Variants in NRXN1 observed in about 807,000 individuals in gnomAD.
The protein encoded by NRXN1 is neurexin 1.
NRXN1 carries 39 observed loss-of-function variants against 150.9 expected under a neutral mutation model. That is an observed-to-expected ratio of 0.26 (90% CI 0.20 to 0.34). NRXN1 has a LOEUF of 0.34. NRXN1 is among the 10% of genes least tolerant of loss of function. The pLI, the probability that NRXN1 is intolerant of heterozygous loss-of-function variation, is 1.00. For synonymous variants in NRXN1, 924 were observed against 757.0 expected, an observed-to-expected ratio of 1.22 and a Z score of -3.62; for missense variants, 1,815 against 1,949.9, an observed-to-expected ratio of 0.93 and a Z score of 1.30.
intron 13 of NRXN1, among the ~76,000 whole-genome samples, chr2:50,499,947 CA>C (rs34753485): frequency 0.073 from 6,388 of 87,672 alleles, 138 homozygotes; most frequent in Non-Finnish European, 0.1. Context: ...GACTCCATCT[CA>C]AAAAAAAAAA....
At chr2:50,030,830 A>G (rs1299525883) in intron 21 of NRXN1, among the ~76,000 whole-genome samples, 1 of 152,116 alleles carries the variant, frequency 6.6e-6, no homozygotes. Flanking sequence ...AGTTTTCTTG[A>G]GATCTTTTTA....
At chr2:50,051,451 G>T (rs1480067991) in intron 21 of NRXN1, among the ~76,000 whole-genome samples, 1 of 151,958 alleles carries the variant, frequency 6.6e-6, no homozygotes, top group Non-Finnish European at 1.5e-5. Flanking sequence ...ATGTCCTCTT[G>T]TGAATTATTT....
At chr2:50,575,125 C>T (rs1251259821) in intron 8 of NRXN1, among the ~76,000 whole-genome samples, 1 of 152,192 alleles carries the variant, frequency 6.6e-6, no homozygotes, top group East Asian at 1.9e-4. Flanking sequence ...ATGTTTATGT[C>T]ACCTTTCTGG....
chr2:49,971,826 G>A (rs1366321168), intron 21 of NRXN1, among the ~76,000 whole-genome samples: 1 of 152,016 alleles, frequency 6.6e-6, no homozygotes, highest in Non-Finnish European at 1.5e-5. Context: ...ATATTATCCT[G>A]AATTTACCTT....
chr2:50,744,012 C>A (rs896417736), intron 5 of NRXN1, among the ~76,000 whole-genome samples: 1 of 152,252 alleles, frequency 6.6e-6, no homozygotes, highest in Non-Finnish European at 1.5e-5. Context: ...AACACCATAA[C>A]TATGCAGGGT....
chr2:50,008,534 GCTCA>G (rs1685134554), intron 21 of NRXN1, among the ~76,000 whole-genome samples: 1 of 148,426 alleles, frequency 6.7e-6, no homozygotes, highest in African/African-American at 2.5e-5. Flanking sequence ...CATGATCTCG[GCTCA>G]CTGTGAGCTC....
At chr2:50,236,577 CAAAA>C (rs35377914) in intron 18 of NRXN1, among the ~76,000 whole-genome samples, 6 of 118,910 alleles carry the variant, frequency 5.0e-5, no homozygotes, top group East Asian at 2.6e-4. Context: ...ATTCACACTC[CAAAA>C]AAAAAAAAAA....
In NRXN1 at chr2:50,190,619, T is replaced by C. The variant is rs542275715; in HGVS notation, c.3546+46170A>G. 2.7e-5 allele frequency among the ~76,000 whole-genome samples: 4 copies of C among 150,826 alleles called. No homozygotes were observed. The South Asian group carries it at 8.3e-4, about 31-fold the overall frequency. ...ACCTTCTAACTTTTTTTTTCTTTTT[T>C]TTTTTTTTTTGAGACAGAGTTTCAC... On this transcript the variant is annotated intron_variant, in intron 18 of 22. Transcript: ENST00000401669.
intron 5 of NRXN1, chr2:50,919,490 TTA>T (rs1440699026): frequency 6.7e-6 from 1 of 149,962 alleles, no homozygotes; most frequent in East Asian, 1.9e-4. Context: ...ATTTATTTTT[TTA>T]TAGTCTTTTT....
intron 17 of NRXN1, among the ~76,000 whole-genome samples, chr2:50,416,609 T>G (rs2083557352): frequency 6.6e-6 from 1 of 152,180 alleles, no homozygotes; most frequent in Admixed American, 6.5e-5. Context: ...GGAAGAGGTT[T>G]AATTGACTCA....
intron 5 of NRXN1, among the ~76,000 whole-genome samples, chr2:50,869,675 TTTAA>T (rs142379533): frequency 0.044 from 6,610 of 151,872 alleles, 259 homozygotes; most frequent in Admixed American, 0.14. Flanking sequence ...GAAAATTAAC[TTTAA>T]TTATTTAATT....
chr2:50,092,984 T>G (rs1281272292), intron 18 of NRXN1, among the ~76,000 whole-genome samples: 3 of 151,906 alleles, frequency 2.0e-5, no homozygotes, highest in East Asian at 3.8e-4. Context: ...TAAATGAGAT[T>G]CTTTAAAATT....
At position 50,071,820 on chromosome 2, in the gene NRXN1, G is replaced by A. The variant is rs143051268; in HGVS notation, c.3719-16776C>T. On this transcript the variant is annotated intron_variant, in intron 19 of 22. Transcript: ENST00000401669. ...CCAGTTGCTAAAATAGTCTAAAAGC[G>A]AGTACTCATGGATTTGCACACAGAA... is the stretch of plus-strand genomic sequence containing the variant. Among the ~76,000 whole-genome samples the A allele has an allele frequency of 2.8e-3, 429 of 152,264 alleles. 3 individuals are homozygous for A. Among genetic ancestry groups the A allele is most frequent in the African/African-American group, 9.7e-3 (404 of 41,552 alleles).
In NRXN1 at chr2:49,965,656, G is replaced by GA. The variant is rs201444311; in HGVS notation, c.4129-21866dup. On this transcript the variant is annotated intron_variant, in intron 21 of 22. Transcript: ENST00000401669. ...CCTACTATAGACTTTCACACTGATA[G>GA]AAAAAAAAATGCTTACAAAGCCTTT... Among the ~76,000 whole-genome samples, 771 of 151,030 alleles carry GA rather than the reference G, an allele frequency of 5.1e-3. 9 individuals carry two copies. Among genetic ancestry groups the GA allele is most frequent in the African/African-American group, 0.017 (690 of 41,236 alleles).
chr2:50,571,324 G>A (rs1213126442), intron 8 of NRXN1, among the ~76,000 whole-genome samples: 3 of 152,122 alleles, frequency 2.0e-5, no homozygotes, highest in African/African-American at 4.8e-5. Context: ...AGTAAGTCAC[G>A]AGTTTGAAGA....
rs1010608821 is a variant in NRXN1, at chr2:50,053,335, G to T, written c.4064C>A (p.Thr1355Asn). 5.6e-6 allele frequency: 9 copies of T among 1,614,026 alleles called. No homozygotes were observed. In the South Asian group the frequency reaches 9.9e-5, roughly 18 times the overall value. The change falls in exon 21 of 23, where the codon ACC becomes AAC. Residue 1355 changes from threonine to asparagine, a missense_variant. Thr to Asn is a moderately conservative substitution (Grantham distance 65, BLOSUM62 0). Coordinates refer to ENST00000401669, the MANE Select transcript of NRXN1 (RefSeq NM_001330078.2). ...GGCTGTGCTAGTAGCCAGGGTCGTG[G>T]TAGTCTCCATAATTGATGTGGACAT... ...SEMSTSIMET[T>N]TTLATSTARR...
intron 21 of NRXN1, among the ~76,000 whole-genome samples, chr2:50,034,788 C>T (rs1041827211): frequency 2.0e-5 from 3 of 151,986 alleles, no homozygotes; most frequent in Non-Finnish European, 4.4e-5. Context: ...CTATTTCTAT[C>T]ATATTTCCAT....
intron 17 of NRXN1, among the ~76,000 whole-genome samples, chr2:50,436,104 C>A (rs1225447999): frequency 2.6e-5 from 4 of 151,998 alleles, no homozygotes; most frequent in Admixed American, 6.6e-5. Flanking sequence ...GTCTAGATTA[C>A]AATTTAATCT....
At chr2:50,625,936 T>C (rs533325451) in intron 5 of NRXN1, among the ~76,000 whole-genome samples, 1 of 152,196 alleles carries the variant, frequency 6.6e-6, no homozygotes, top group East Asian at 1.9e-4. Context: ...TATGTTATTA[T>C]GAAATCTAGA....
Sources: allele counts gnomAD v4.1 joint callset (sites outside exome capture counted in the v4.1 genomes callset), GRCh38; gene constraint gnomAD v4.1.1; transcripts MANE v1.5; gene names NCBI Gene and HGNC (gene_info 2026-07-23, HGNC 2026-07-21).